The following CUX1 variants were observed in gnomAD, a reference collection of about 807,000 sequenced individuals.
CUX1 encodes the protein cut like homeobox 1, also known as protein CASP.
CUX1 carries 31 observed loss-of-function variants against 158.8 expected under a neutral mutation model. That is an observed-to-expected ratio of 0.20 (90% CI 0.15 to 0.26). CUX1 has a LOEUF of 0.26. Ranked by LOEUF, CUX1 falls within the 10% of genes least tolerant of loss-of-function variation. The pLI, the probability that CUX1 is intolerant of heterozygous loss-of-function variation, is 1.00. For missense variants in CUX1, 1,589 were observed against 2,014.6 expected (o/e 0.79, Z 4.04); for synonymous variants, 879 against 862.1 (o/e 1.02, Z -0.34).
chr7:102,196,317 G>A (rs1292787184), intron 14 of CUX1, among the ~76,000 whole-genome samples: 2 of 152,162 alleles, frequency 1.3e-5, no homozygotes, highest in Admixed American at 6.5e-5. Context: ...CCCGCGACCC[G>A]TCAACTCTTC....
At chr7:101,946,417 G>C (rs567853476) in intron 2 of CUX1, among the ~76,000 whole-genome samples, 1 of 152,048 alleles carries the variant, frequency 6.6e-6, no homozygotes, top group Admixed American at 6.6e-5. Flanking sequence ...GGTGGTGTGC[G>C]TCTGTAATTC....
At position 102,016,588 on chromosome 7, in the gene CUX1, G is replaced by A. The variant is rs1818620307; in HGVS notation, c.142-11510G>A. On this transcript the variant is annotated intron_variant, in intron 2 of 23. Coordinates refer to ENST00000292535, the MANE Select transcript of CUX1 (RefSeq NM_181552.4). ...GACCACACCCCTGCACTCCAGCCTG[G>A]ACGACAGAGCGAGACCTCGTTCCTT... Among the ~76,000 whole-genome samples, 3 of 152,208 alleles carry A rather than the reference G, an allele frequency of 2.0e-5. No homozygotes were observed. In the South Asian group the frequency reaches 6.2e-4, roughly 31 times the overall value.
chr7:102,252,231 G>C lies in CUX1; in HGVS notation c.*3189G>C, dbSNP rs925967636. ...AAAATAATACAGCAATCCGTGGCCAGGGGAGCACCCCCTCCTGGTTGGGCC... is the reference window on the plus strand; with the variant it reads ...AAAATAATACAGCAATCCGTGGCCACGGGAGCACCCCCTCCTGGTTGGGCC... On this transcript the variant is annotated 3_prime_UTR_variant, in exon 24 of 24. Transcript: ENST00000292535. 1.0e-6 allele frequency: 1 copy of C among 985,342 alleles called. No homozygotes were observed. Among genetic ancestry groups the C allele is most frequent in the Non-Finnish European group, 1.2e-6 (1 of 829,966 alleles). 61.0% of individuals were successfully genotyped at this position (985,342 alleles called of 1,614,324 possible).
chr7:102,072,370 A>T (rs940297422), intron 4 of CUX1, among the ~76,000 whole-genome samples: 1 of 152,130 alleles, frequency 6.6e-6, no homozygotes, highest in African/African-American at 2.4e-5. Flanking sequence ...TAAAGGTCAC[A>T]CTCCTATGCA....
At chr7:101,919,207 T>TG (rs1376805185) in intron 2 of CUX1, among the ~76,000 whole-genome samples, 1 of 151,690 alleles carries the variant, frequency 6.6e-6, no homozygotes, top group African/African-American at 2.4e-5. Flanking sequence ...GGTGTGTGTG[T>TG]GTGGGGGGGG....
chr7:101,834,161 GTTTC>G lies in CUX1; in HGVS notation c.30+16496_30+16499del, dbSNP rs1294095328. 6.3e-5 allele frequency among the ~76,000 whole-genome samples: 6 copies of G among 95,694 alleles called. No homozygotes were observed. In the East Asian group the frequency reaches 1.7e-3, roughly 28 times the overall value. 62.8% of individuals were successfully genotyped at this position (95,694 alleles called of 152,430 possible). ...CTCTTATTTATTTGAAAAGCTGATT[GTTTC>G]TTTTTTTTTTTTTTTTTTTTTTTTT... On this transcript the variant is annotated intron_variant, in intron 1 of 23. Transcript: ENST00000292535.
At chr7:102,126,865 G>A (rs1832690301) in intron 8 of CUX1, among the ~76,000 whole-genome samples, 1 of 152,190 alleles carries the variant, frequency 6.6e-6, no homozygotes, top group Non-Finnish European at 1.5e-5. Context: ...TAGAATCAGT[G>A]GGAGCCCTGA....
rs550365897 is a variant in CUX1 at position 102,249,278 on chromosome 7, G to T, written c.*236G>T. 31 of 1,050,716 alleles carry T rather than the reference G, an allele frequency of 3.0e-5. No individual in the cohort carries two copies. The South Asian group carries it at 1.1e-3, about 36-fold the overall frequency. 65.1% of individuals were successfully genotyped at this position (1,050,716 alleles called of 1,614,324 possible). A position where few individuals can be genotyped will look rare whatever the true frequency, so the allele number is the denominator to read the frequency against. On this transcript the variant is annotated 3_prime_UTR_variant, in exon 24 of 24. Transcript: ENST00000292535. ...CTCTGCGGCCCGGGCCGACCCTGCG[G>T]CCTCCACCAACCCCGCGGCCCAGAC... is the stretch of plus-strand genomic sequence containing the variant.
In CUX1 at chr7:102,013,366, A is replaced by G. The variant is rs527387380; in HGVS notation, c.142-14732A>G. On this transcript the variant is annotated intron_variant, in intron 2 of 23. Coordinates refer to ENST00000292535, the MANE Select transcript of CUX1 (RefSeq NM_181552.4). ...TATGGACTTCTATGATTCATCTACC[A>G]GGGCCAGCAGCTCCAGCCAAGAGAT... 2.0e-5 allele frequency among the ~76,000 whole-genome samples: 3 copies of G among 152,352 alleles called. No individual in the cohort carries two copies. The East Asian group carries it at 5.8e-4, about 29-fold the overall frequency.
chr7:102,034,751 CAAAA>C (rs33994794), intron 3 of CUX1, among the ~76,000 whole-genome samples: 3 of 117,950 alleles, frequency 2.5e-5, no homozygotes, highest in African/African-American at 1.0e-4. Context: ...GACTCCGTCT[CAAAA>C]AAAAAAAAAA....
chr7:102,265,369 AG>A (rs1554544853), intron 14 of CUX1, among the ~76,000 whole-genome samples: 13 of 149,212 alleles, frequency 8.7e-5, no homozygotes, highest in African/African-American at 3.2e-4. Flanking sequence ...AAAAAAAAAA[AG>A]AGAAAGAAAG....
At chr7:102,105,056 A>C (rs1554487995) in intron 6 of CUX1, among the ~76,000 whole-genome samples, 1 of 152,194 alleles carries the variant, frequency 6.6e-6, no homozygotes, top group African/African-American at 2.4e-5. Context: ...GGCACCTGGC[A>C]GCTGGACCTG....
intron 2 of CUX1, among the ~76,000 whole-genome samples, chr7:101,965,176 C>T (rs1390122714): frequency 6.6e-6 from 1 of 152,154 alleles, no homozygotes; most frequent in Admixed American, 6.5e-5. Context: ...ACATATGAGT[C>T]GTGCCTCTTC....
At chr7:102,229,327 G>C (rs1254412199) in intron 21 of CUX1, among the ~76,000 whole-genome samples, 1 of 147,522 alleles carries the variant, frequency 6.8e-6, no homozygotes, top group Non-Finnish European at 1.5e-5. Flanking sequence ...TTTTGAGATG[G>C]AGCCTCACTC....
At chr7:102,184,311 G>C (rs1793422026) in intron 11 of CUX1, among the ~76,000 whole-genome samples, 1 of 152,240 alleles carries the variant, frequency 6.6e-6, no homozygotes, top group Admixed American at 6.5e-5. Flanking sequence ...GCTTCAAATA[G>C]ACAATTCTTC....
intron 6 of CUX1, among the ~76,000 whole-genome samples, chr7:102,107,258 G>T (rs1468756097): frequency 1.3e-5 from 2 of 152,026 alleles, no homozygotes; most frequent in African/African-American, 4.8e-5. Context: ...AAGAAAAGAG[G>T]CTGGGCGCAG....
chr7:102,041,546 G>A lies in CUX1; in HGVS notation c.189+13401G>A, dbSNP rs1409548692. 2.0e-5 allele frequency among the ~76,000 whole-genome samples: 3 copies of A among 151,766 alleles called. No individual in the cohort carries two copies. In the East Asian group the frequency reaches 5.8e-4, roughly 29 times the overall value. On this transcript the variant is annotated intron_variant, in intron 3 of 23. Coordinates refer to ENST00000292535, the MANE Select transcript of CUX1 (RefSeq NM_181552.4). ...TGAGATTACAAGCATGAGCCACCATGCCCTTGCCTTATCCATCCTTCTAAA... is the reference window on the plus strand; with the variant it reads ...TGAGATTACAAGCATGAGCCACCATACCCTTGCCTTATCCATCCTTCTAAA...
At chr7:102,231,633 T>C (rs1554530846) in intron 21 of CUX1, among the ~76,000 whole-genome samples, 1 of 152,112 alleles carries the variant, frequency 6.6e-6, no homozygotes, top group East Asian at 1.9e-4. Flanking sequence ...GCTATTCATA[T>C]ATATTGCTTT....
intron 1 of CUX1, among the ~76,000 whole-genome samples, chr7:101,865,899 T>C (rs1797886785): frequency 6.6e-6 from 1 of 152,190 alleles, no homozygotes; most frequent in African/African-American, 2.4e-5. Context: ...TGAGAGACCT[T>C]GGCAACGCAG....
Sources: allele counts gnomAD v4.1 joint callset (sites outside exome capture counted in the v4.1 genomes callset), GRCh38; gene constraint gnomAD v4.1.1; transcripts MANE v1.5; gene names NCBI Gene and HGNC (gene_info 2026-07-23, HGNC 2026-07-21).